GABRR3: variants seen among roughly 807,000 people sequenced by gnomAD.
GABRR3 encodes the protein gamma-aminobutyric acid type A receptor subunit rho3.
GABRR3 carries 29 observed loss-of-function variants against 43.2 expected under a neutral mutation model. That is an observed-to-expected ratio of 0.67 (90% CI 0.50 to 0.92). The LOEUF (loss-of-function observed/expected upper bound fraction) is 0.92. Ranked by LOEUF, GABRR3 falls within the 40% of genes least tolerant of loss-of-function variation. The pLI is 0.00. For synonymous variants in GABRR3, 206 were observed against 195.9 expected, an observed-to-expected ratio of 1.05 and a Z score of -0.43; for missense variants, 576 against 572.3, an observed-to-expected ratio of 1.01 and a Z score of -0.07.
chr3:98,003,944 A>G (rs1706689195), intron 7 of GABRR3, among the ~76,000 whole-genome samples: 1 of 152,148 alleles, frequency 6.6e-6, no homozygotes, highest in African/African-American at 2.4e-5. Flanking sequence ...TGGCATCATC[A>G]GTTTTGGCAT....
downstream of GABRR3, chr3:97,986,590 C>T (rs532966159): frequency 1.6e-4 from 134 of 838,198 alleles, no homozygotes; most frequent in South Asian, 2.4e-3. Context: ...CTTGCTCTTT[C>T]CCAGTTCCAT....
intron 4 of GABRR3, among the ~76,000 whole-genome samples, chr3:98,017,326 A>G (rs1576046293): frequency 6.6e-6 from 1 of 152,204 alleles, no homozygotes; most frequent in African/African-American, 2.4e-5. Context: ...CGGATTTCAT[A>G]TCGCACATAT....
intron 2 of GABRR3, among the ~76,000 whole-genome samples, chr3:98,031,874 G>A (rs1327273860): frequency 1.3e-5 from 2 of 152,132 alleles, no homozygotes; most frequent in Non-Finnish European, 2.9e-5. Context: ...CTTGCTTGCA[G>A]TAGCATTGGA....
At chr3:98,031,768 AAAC>A (rs1181214319) in intron 2 of GABRR3, among the ~76,000 whole-genome samples, 1 of 152,108 alleles carries the variant, frequency 6.6e-6, no homozygotes, top group Non-Finnish European at 1.5e-5. Flanking sequence ...AAAAATTAAA[AAAC>A]AAACAAAAAC....
chr3:98,026,572 C>T (rs775743216), intron 2 of GABRR3, among the ~76,000 whole-genome samples: 12 of 130,070 alleles, frequency 9.2e-5, no homozygotes, highest in Non-Finnish European at 1.9e-4. Context: ...GGAGACCTTG[C>T]TCAGCACCTC....
At chr3:98,015,942 T>G (rs1706867131) in intron 4 of GABRR3, among the ~76,000 whole-genome samples, 1 of 152,122 alleles carries the variant, frequency 6.6e-6, no homozygotes, top group African/African-American at 2.4e-5. Flanking sequence ...TTTAATTGAC[T>G]CACAGTTCTG....
At chr3:98,024,126 G>A (rs2107248125) in intron 3 of GABRR3, among the ~76,000 whole-genome samples, 1 of 152,318 alleles carries the variant, frequency 6.6e-6, no homozygotes, top group East Asian at 1.9e-4. Context: ...GGGAGGCCGA[G>A]GTGGGTGGAT....
At chr3:97,986,933 C>A (rs1212546959) in exon 10 of GABRR3, 6 of 1,611,406 alleles carry the variant, frequency 3.7e-6, no homozygotes, top group Non-Finnish European at 5.1e-6. Context: ...ATGGTAACAA[C>A]CATCAAAGGC....
chr3:98,025,679 G>T lies in GABRR3; in HGVS notation c.126C>A (p.Cys42Ter), dbSNP rs868473770. Residue 42 changes from cysteine (C) to a stop codon, truncating the protein, a stop_gained and splice_region_variant, in exon 3 of 10, where the codon TGC (cysteine) becomes TGA (stop). Transcript: ENST00000621172. LOFTEE classifies it high-confidence loss of function. ...CTTTCTTCATTCTAGTTTCTTGTTTGCTGTTCCCCCAAAGGGAAAAAAAAA... is the reference window on the plus strand; with the variant it reads ...CTTTCTTCATTCTAGTTTCTTGTTTTCTGTTCCCCCAAAGGGAAAAAAAAA... 3.7e-6 allele frequency: 6 copies of T among 1,600,132 alleles called. No individual in the cohort carries two copies. The Middle Eastern group carries it at 8.3e-4, about 222-fold the overall frequency.
At chr3:98,019,591 G>T (rs189689356) in intron 3 of GABRR3, among the ~76,000 whole-genome samples, 107 of 152,016 alleles carry the variant, frequency 7.0e-4, no homozygotes, top group African/African-American at 2.5e-3. Flanking sequence ...CACTAATTAT[G>T]ACTTTTTTTT....
rs774253514 is a variant in GABRR3, at chr3:97,993,798, G to A, written c.908-750C>T. Reference sequence around the variant, plus strand: ...TCTTCCCTTCTTCTCCCTTTCTGCTGCCTTCCCCCTTCCCTTTCCTTTTTT... The same window carrying A: ...TCTTCCCTTCTTCTCCCTTTCTGCTACCTTCCCCCTTCCCTTTCCTTTTTT... On this transcript the variant is annotated intron_variant, in intron 8 of 9. Coordinates refer to ENST00000621172, the Ensembl canonical transcript of GABRR3. Among the ~76,000 whole-genome samples, 14 of 145,684 alleles carry A rather than the reference G, an allele frequency of 9.6e-5. 1 individual carries two copies. Among genetic ancestry groups the A allele is most frequent in the Admixed American group, 1.4e-4 (2 of 14,326 alleles).
chr3:98,023,606 T>A lies in GABRR3; in HGVS notation c.238+1961A>T, dbSNP rs141976786. ...GGAAAATTTGGCTGGGGAAACACAG[T>A]TGAGAACGGTCGTAAGGAAGATACA... On this transcript the variant is annotated intron_variant, in intron 3 of 9. Coordinates refer to ENST00000621172, the Ensembl canonical transcript of GABRR3. Among the ~76,000 whole-genome samples the A allele has an allele frequency of 7.9e-5, 12 of 152,178 alleles. No individual in the cohort carries two copies. In the East Asian group the frequency reaches 2.3e-3, roughly 29 times the overall value.
At chr3:97,995,437 A>T (rs559365815) in intron 8 of GABRR3, among the ~76,000 whole-genome samples, 7 of 152,318 alleles carry the variant, frequency 4.6e-5, no homozygotes, top group African/African-American at 1.7e-4. Flanking sequence ...TGTATTTGAA[A>T]TTGATAACTA....
intron 8 of GABRR3, chr3:97,998,581 A>G (rs1303320692): frequency 6.6e-6 from 1 of 152,142 alleles, no homozygotes; most frequent in Non-Finnish European, 1.5e-5. Context: ...TGTAATGTGA[A>G]GGGAGGCTAT....
At chr3:98,031,575 T>C (rs1038207490) in intron 2 of GABRR3, among the ~76,000 whole-genome samples, 2 of 151,684 alleles carry the variant, frequency 1.3e-5, no homozygotes, top group Non-Finnish European at 2.9e-5. Flanking sequence ...ACAGACCCAA[T>C]CTCTACCAAA....
intron 4 of GABRR3, among the ~76,000 whole-genome samples, chr3:98,015,907 CTG>C (rs1706866754): frequency 6.6e-6 from 1 of 152,124 alleles, no homozygotes; most frequent in African/African-American, 2.4e-5. Context: ...CTACCTGAGA[CTG>C]TGTAATTTAT....
At chr3:97,991,639 T>C (rs987060198) in intron 9 of GABRR3, among the ~76,000 whole-genome samples, 1 of 152,242 alleles carries the variant, frequency 6.6e-6, no homozygotes, top group Non-Finnish European at 1.5e-5. Flanking sequence ...TTCTGTTGGC[T>C]GAGAATCTGT....
At chr3:98,017,018 G>T (rs1004254883) in intron 4 of GABRR3, among the ~76,000 whole-genome samples, 1 of 152,214 alleles carries the variant, frequency 6.6e-6, no homozygotes, top group Non-Finnish European at 1.5e-5. Context: ...GAAGCTTGAA[G>T]ATAAGGGATC....
exon 9 of GABRR3, chr3:97,992,980 A>G (rs895150804): frequency 6.2e-7 from 1 of 1,613,300 alleles, no homozygotes; most frequent in Non-Finnish European, 8.5e-7. Flanking sequence ...GCCTTGAGGT[A>G]GGACACCTGG....
Sources: allele counts gnomAD v4.1 joint callset (sites outside exome capture counted in the v4.1 genomes callset), GRCh38; gene constraint gnomAD v4.1.1; transcripts MANE v1.5; gene names NCBI Gene and HGNC (gene_info 2026-07-23, HGNC 2026-07-21).